The following COX15 variants were observed in gnomAD, a reference collection of about 807,000 sequenced individuals.
COX15 encodes the protein cytochrome c oxidase assembly factor COX15.
A neutral mutation model predicts 51.9 loss-of-function variants in COX15; 51 were observed. The observed-to-expected ratio is 0.98, with a 90% CI of 0.78 to 1.24. The LOEUF is 1.24. Among genes scored for constraint, COX15 ranks in the 50% most tolerant of loss-of-function variants. The pLI is 0.00. For missense variants in COX15, 420 were observed against 501.1 expected, an observed-to-expected ratio of 0.84 and a Z score of 1.55; for synonymous variants, 188 against 190.5, an observed-to-expected ratio of 0.99 and a Z score of 0.11.
At chr10:99,698,384 T>C in the COX15 span, 1 of 704,846 alleles carries the variant, frequency 1.4e-6, no homozygotes, top group Non-Finnish European at 2.3e-6. Flanking sequence ...AGTTAAATGT[T>C]TATGTGATGA....
At chr10:99,701,167 G>T in the COX15 span, 10 of 1,003,652 alleles carry the variant, frequency 1.0e-5, no homozygotes, top group Non-Finnish European at 1.5e-5. Context: ...GGGAGCATTT[G>T]ATTATTCCAG....
chr10:99,699,751 A>G, the COX15 span, among the ~76,000 whole-genome samples: 1 of 152,166 alleles, frequency 6.6e-6, no homozygotes, highest in South Asian at 2.1e-4. Flanking sequence ...TTTTTAATAG[A>G]GATGGGGTTT....
At chr10:99,710,311 A>G (rs1590073593), downstream of COX15, 2 of 985,412 alleles carry the variant, frequency 2.0e-6, no homozygotes, top group Non-Finnish European at 2.4e-6. Context: ...TTCAGTTACT[A>G]TGTTGTATTT....
downstream of COX15, chr10:99,708,737 G>A: frequency 6.9e-6 from 5 of 726,048 alleles, no homozygotes; most frequent in Non-Finnish European, 8.4e-6. Context: ...TAAAGCTTCT[G>A]GTCAACCCCC....
rs2036499245 is a variant in COX15, at chr10:99,714,369, C to T, written c.*218G>A. ...TCTCTACATTAAAACTGATTTTCAA[C>T]ATGAAAAGCAGATTTAAAAGGGAAC... On this transcript the variant is annotated 3_prime_UTR_variant, in exon 9 of 9. Transcript: ENST00000016171. 7.4e-7 allele frequency: 1 copy of T among 1,358,744 alleles called. No individual in the cohort carries two copies. Among genetic ancestry groups the T allele is most frequent in the Non-Finnish European group, 9.5e-7 (1 of 1,052,836 alleles). The allele number at this position is 1,358,744 out of a possible 1,614,324, so 84.2% of individuals were successfully genotyped here. A position where few individuals can be genotyped will look rare whatever the true frequency, so the allele number is the denominator to read the frequency against.
At chr10:99,695,899 C>G in the COX15 span, 2 of 1,541,394 alleles carry the variant, frequency 1.3e-6, no homozygotes, top group Non-Finnish European at 1.8e-6. Flanking sequence ...AATGTCATAG[C>G]TTTCTAGAAG....
chr10:99,731,973 G>A lies in COX15; in HGVS notation c.77C>T (p.Ala26Val), dbSNP rs2037170561. 6.2e-7 allele frequency: 1 copy of A among 1,611,330 alleles called. No homozygotes were observed. Among genetic ancestry groups the A allele is most frequent in the Non-Finnish European group, 8.5e-7 (1 of 1,179,046 alleles). ...QYLPLLAPRA[A>V]PRAQCDCIRR... is the part of the protein sequence containing the mutation. ...GCAGTGCGGTACCTGTGCTCTAGGC[G>A]CTGCCCTAGGAGCCAGGAGCGGCAG... Residue 26 changes from alanine (A) to valine (V), a missense_variant, in exon 1 of 9, where the codon GCG (alanine) becomes GTG (valine). Coordinates refer to ENST00000016171, the MANE Select transcript of COX15 (RefSeq NM_078470.6).
At chr10:99,702,777 C>A in the COX15 span, 1 of 1,045,956 alleles carries the variant, frequency 9.6e-7, no homozygotes, top group Non-Finnish European at 1.3e-6. Flanking sequence ...TAGAATAGGT[C>A]TTAAGTGACC....
intron 1 of COX15, among the ~76,000 whole-genome samples, chr10:99,730,126 C>G (rs2037089774): frequency 6.6e-6 from 1 of 152,192 alleles, no homozygotes; most frequent in Non-Finnish European, 1.5e-5. Flanking sequence ...GGGATGTATT[C>G]CCAGGCTCTT....
At chr10:99,717,351 G>A (rs529565008) in intron 7 of COX15, among the ~76,000 whole-genome samples, 6 of 152,206 alleles carry the variant, frequency 3.9e-5, no homozygotes, top group African/African-American at 1.2e-4. Context: ...ATTCCTGACA[G>A]CCAATCTTAT....
Position 99,714,471 on chromosome 10 carries a change from AC to A in COX15, c.*115del. ...CAGGAAAAGATTTTTAAGTAAGTTG[AC>A]CATTTGGAAACCACTTGGTATGTCA... On this transcript the variant is annotated 3_prime_UTR_variant, in exon 9 of 9. Transcript: ENST00000016171. 1.9e-6 allele frequency: 3 copies of A among 1,572,134 alleles called. No individual in the cohort carries two copies. Among genetic ancestry groups the A allele is most frequent in the Middle Eastern group, 4.0e-4 (2 of 4,964 alleles).
downstream of COX15, chr10:99,710,184 C>A (rs1474948953): frequency 6.1e-6 from 6 of 985,286 alleles, no homozygotes; most frequent in East Asian, 6.8e-4. Flanking sequence ...CTAAGTGGCC[C>A]CTCCTACAGA....
intron 6 of COX15, 103 bp from the exon 7 acceptor site, chr10:99,718,603 G>GAT: frequency 2.5e-6 from 3 of 1,188,484 alleles, no homozygotes; most frequent in African/African-American, 1.5e-5. Flanking sequence ...TAAACTAAGG[G>GAT]AACAGTCAGA....
intron 2 of COX15, among the ~76,000 whole-genome samples, chr10:99,729,272 C>A (rs1337662580): frequency 1.3e-5 from 2 of 152,084 alleles, no homozygotes; most frequent in Admixed American, 6.6e-5. Context: ...ATCAGCCTGG[C>A]CAACATGGTG....
chr10:99,714,432 T>C lies in COX15; in HGVS notation c.*155A>G. 6.6e-7 allele frequency: 1 copy of C among 1,506,794 alleles called. No homozygotes were observed. Among genetic ancestry groups the C allele is most frequent in the South Asian group, 1.2e-5 (1 of 80,628 alleles). The allele number at this position is 1,506,794 out of a possible 1,614,324, so 93.3% of individuals were successfully genotyped here. A position where few individuals can be genotyped will look rare whatever the true frequency, so the allele number is the denominator to read the frequency against. On this transcript the variant is annotated 3_prime_UTR_variant, in exon 9 of 9. Transcript: ENST00000016171. The stretch of plus-strand genomic sequence containing the variant: ...CACACTTAATGCATTCTTGATCCAG[T>C]GACTATCTCAAAACAGGAAAAGATT...
chr10:99,698,470 T>C, the COX15 span: 2 of 1,492,040 alleles, frequency 1.3e-6, no homozygotes, highest in African/African-American at 2.8e-5. Flanking sequence ...ATTGTGTTTC[T>C]TAGACTAGGT....
At chr10:99,702,751 T>C in the COX15 span, 4 of 1,392,014 alleles carry the variant, frequency 2.9e-6, no homozygotes, top group Non-Finnish European at 3.8e-6. Context: ...TTCTTTCTTT[T>C]TTTTTTTAAC....
In COX15 at chr10:99,716,431, G is replaced by A. The variant is rs1417416455; in HGVS notation, c.1018C>T (p.Leu340Phe). ...GITSVTAITVLYFLSRRIPLP... is the reference protein window; with the variant it reads ...GITSVTAITVFYFLSRRIPLP... ...GGAATTCTCCGAGAGAGGAAGTAGA[G>A]CACTGTAATGGCAGTGACTGAAGTG... Residue 340 changes from leucine (L) to phenylalanine (F), a missense_variant, in exon 8 of 9, where the codon CTC (leucine) becomes TTC (phenylalanine). Leu to Phe is a conservative substitution (Grantham distance 22). Coordinates refer to ENST00000016171, the MANE Select transcript of COX15 (RefSeq NM_078470.6). 2 of 1,613,580 alleles carry A rather than the reference G, an allele frequency of 1.2e-6. No homozygotes were observed. Among genetic ancestry groups the A allele is most frequent in the East Asian group, 2.2e-5 (1 of 44,860 alleles).
chr10:99,722,237 C>T (rs1400291470), intron 5 of COX15, among the ~76,000 whole-genome samples: 1 of 152,146 alleles, frequency 6.6e-6, no homozygotes, highest in Non-Finnish European at 1.5e-5. Context: ...CACTATATGG[C>T]TCATTGGGTA....
Sources: allele counts gnomAD v4.1 joint callset (sites outside exome capture counted in the v4.1 genomes callset), GRCh38; gene constraint gnomAD v4.1.1; transcripts MANE v1.5; gene names NCBI Gene and HGNC (gene_info 2026-07-23, HGNC 2026-07-21).